Variants in CRYBG3 observed in about 807,000 individuals in gnomAD.
The protein encoded by CRYBG3 is very large A-kinase anchor protein.
Under a neutral mutation model 244.2 loss-of-function variants are expected in CRYBG3, and 127 were observed. That is an observed-to-expected ratio of 0.52 (90% confidence interval 0.45 to 0.60). CRYBG3 has a LOEUF of 0.60. CRYBG3 is among the 20% of genes least tolerant of loss of function. The pLI is 0.00. For missense variants in CRYBG3, 3,325 were observed against 3,442.5 expected, an observed-to-expected ratio of 0.97 and a Z score of 0.85; for synonymous variants, 1,132 against 1,195.8, an observed-to-expected ratio of 0.95 and a Z score of 1.10.
At chr3:97,902,199 G>T (rs2039714015) in intron 15 of CRYBG3, among the ~76,000 whole-genome samples, 1 of 152,248 alleles carries the variant, frequency 6.6e-6, no homozygotes, top group South Asian at 2.1e-4. Context: ...TAAGGAGGAA[G>T]TTTCATTTCA....
Position 97,912,209 on chromosome 3 carries a change from G to A in CRYBG3, c.8047G>A (p.Asp2683Asn). The A allele has an allele frequency of 1.9e-6, 3 of 1,607,544 alleles. No individual in the cohort carries two copies. The highest frequency in any genetic ancestry group is 2.5e-6 in the Non-Finnish European group (3 of 1,176,992). The change falls in exon 16 of 22, where the codon GAT becomes AAT. Residue 2683 changes from aspartate (D) to asparagine (N), a missense_variant. By Grantham distance (23) the Asp-to-Asn change is conservative. Transcript: ENST00000389622. ...SKPGFQGECI[D>N]FTEETSDLTS... Reference sequence around the variant, plus strand: ...ACCAGGGTTCCAAGGTGAATGTATAGATTTTACAGAAGAAACTTCTGATTT... The same window carrying A: ...ACCAGGGTTCCAAGGTGAATGTATAAATTTTACAGAAGAAACTTCTGATTT...
intron 2 of CRYBG3, among the ~76,000 whole-genome samples, chr3:97,859,201 T>G (rs1272930286): frequency 6.6e-6 from 1 of 152,120 alleles, no homozygotes. Flanking sequence ...TTCTGAGTGG[T>G]GTGTGTATGC....
At chr3:97,878,550 T>C (rs2039410377) in intron 4 of CRYBG3, among the ~76,000 whole-genome samples, 1 of 152,248 alleles carries the variant, frequency 6.6e-6, no homozygotes, top group Admixed American at 6.5e-5. Context: ...AAAAATTGCT[T>C]GGTCAGAATT....
intron 2 of CRYBG3, among the ~76,000 whole-genome samples, chr3:97,848,995 T>A (rs573502877): frequency 6.6e-6 from 1 of 152,316 alleles, no homozygotes; most frequent in South Asian, 2.1e-4. Context: ...AAATTACATG[T>A]GTAATGATGG....
At chr3:97,902,161 A>G (rs2039713458) in intron 15 of CRYBG3, among the ~76,000 whole-genome samples, 2 of 152,186 alleles carry the variant, frequency 1.3e-5, no homozygotes, top group South Asian at 4.1e-4. Context: ...TGCTGTGTTC[A>G]GATGGGGTAC....
At chr3:97,828,418 T>C (rs2038606422) in intron 1 of CRYBG3, among the ~76,000 whole-genome samples, 1 of 151,796 alleles carries the variant, frequency 6.6e-6, no homozygotes, top group African/African-American at 2.4e-5. Flanking sequence ...AATTGTGGAC[T>C]AACTGATAAA....
chr3:97,868,629 A>C (rs2039265128), intron 3 of CRYBG3, among the ~76,000 whole-genome samples: 1 of 152,220 alleles, frequency 6.6e-6, no homozygotes, highest in South Asian at 2.1e-4. Flanking sequence ...CAACTTCTTG[A>C]AAGTACTCAG....
intron 3 of CRYBG3, among the ~76,000 whole-genome samples, chr3:97,867,454 C>T (rs556412024): frequency 6.6e-6 from 1 of 152,250 alleles, no homozygotes; most frequent in Non-Finnish European, 1.5e-5. Context: ...AAGAATGATA[C>T]ATGTCTTTGG....
Position 97,822,164 on chromosome 3 carries a change from C to T in CRYBG3, c.-43C>T. On this transcript the variant is annotated 5_prime_UTR_variant, in exon 1 of 22. Coordinates refer to ENST00000389622, the MANE Select transcript of CRYBG3 (RefSeq NM_153605.4). ...CTCCGGGCACCAGGCAACACCTAGGCCGTTCCCTTCAGACAGCCCCGGGCC... is the reference window on the plus strand; with the variant it reads ...CTCCGGGCACCAGGCAACACCTAGGTCGTTCCCTTCAGACAGCCCCGGGCC... The T allele has an allele frequency of 1.4e-6, 2 of 1,466,702 alleles. No individual in the cohort carries two copies. Among genetic ancestry groups the T allele is most frequent in the Non-Finnish European group, 1.8e-6 (2 of 1,112,056 alleles). 90.9% of individuals were successfully genotyped at this position (1,466,702 alleles called of 1,614,324 possible). A position where few individuals can be genotyped will look rare whatever the true frequency, so the allele number is the denominator to read the frequency against.
At chr3:97,903,032 G>C (rs2039723050) in intron 15 of CRYBG3, among the ~76,000 whole-genome samples, 1 of 152,110 alleles carries the variant, frequency 6.6e-6, no homozygotes. Flanking sequence ...CTTTGACTCA[G>C]CCAAGTACCT....
chr3:97,822,132 G>T lies in CRYBG3; in HGVS notation c.-75G>T. 7.5e-7 allele frequency: 1 copy of T among 1,328,540 alleles called. No homozygotes were observed. The highest frequency in any genetic ancestry group is 1.7e-5 in the South Asian group (1 of 57,710). The allele number at this position is 1,328,540 out of a possible 1,614,324, so 82.3% of individuals were successfully genotyped here. A position where few individuals can be genotyped will look rare whatever the true frequency, so the allele number is the denominator to read the frequency against. On this transcript the variant is annotated 5_prime_UTR_variant, in exon 1 of 22. Transcript: ENST00000389622. ...GCCCTAGCCGCATCCCGCGGCGCCCGGTCGGGCTCCGGGCACCAGGCAACA... is the reference window on the plus strand; with the variant it reads ...GCCCTAGCCGCATCCCGCGGCGCCCTGTCGGGCTCCGGGCACCAGGCAACA...
rs2040249195 is a variant in CRYBG3, at chr3:97,942,309, TTGGTGG to T, written c.8691_8696del (p.Gly2898_Gly2899del). 2 of 1,610,714 alleles carry T rather than the reference TTGGTGG, an allele frequency of 1.2e-6. No individual in the cohort carries two copies. On this transcript the variant is annotated inframe_deletion, in exon 21 of 22. Transcript: ENST00000389622. ...GCCAGTGATACATGTCTTGATGTGA[TTGGTGG>T]CCGGGACACACCTGGAGCTAAAGTA... is the stretch of plus-strand genomic sequence containing the variant.
chr3:97,927,606 A>G (rs1003206957), intron 17 of CRYBG3, among the ~76,000 whole-genome samples: 1 of 152,124 alleles, frequency 6.6e-6, no homozygotes, highest in Non-Finnish European at 1.5e-5. Context: ...AGCAAAAGAA[A>G]CTATCAACAG....
At chr3:97,849,214 A>C (rs1168916829) in intron 2 of CRYBG3, among the ~76,000 whole-genome samples, 1 of 152,212 alleles carries the variant, frequency 6.6e-6, no homozygotes, top group East Asian at 1.9e-4. Flanking sequence ...CAGAGTAGGC[A>C]CTTGGTAAAA....
chr3:97,871,541 A>G (rs756510815), intron 3 of CRYBG3, among the ~76,000 whole-genome samples: 3 of 152,122 alleles, frequency 2.0e-5, no homozygotes, highest in Admixed American at 6.6e-5. Context: ...TAGAACTAGG[A>G]CCCAAGGCTT....
intron 12 of CRYBG3, among the ~76,000 whole-genome samples, chr3:97,897,209 C>T (rs770641554): frequency 1.1e-4 from 16 of 151,818 alleles, no homozygotes; most frequent in Non-Finnish European, 1.9e-4. Flanking sequence ...ATTGTTTATC[C>T]TAAATTAATG....
intron 8 of CRYBG3, among the ~76,000 whole-genome samples, chr3:97,887,399 A>G (rs2039521342): frequency 6.6e-6 from 1 of 152,158 alleles, no homozygotes; most frequent in Admixed American, 6.6e-5. Flanking sequence ...TGGTTGGTAT[A>G]CAATTCTGGG....
At chr3:97,905,433 A>T (rs2039760752) in intron 15 of CRYBG3, among the ~76,000 whole-genome samples, 1 of 151,428 alleles carries the variant, frequency 6.6e-6, no homozygotes, top group African/African-American at 2.4e-5. Flanking sequence ...AATGATTGCC[A>T]TTCTAACTGG....
chr3:97,913,355 A>C (rs1357311930), intron 16 of CRYBG3, among the ~76,000 whole-genome samples: 2 of 152,166 alleles, frequency 1.3e-5, no homozygotes, highest in Non-Finnish European at 2.9e-5. Context: ...AGGGGTCAGC[A>C]AACTTTAACT....
Sources: allele counts gnomAD v4.1 joint callset (sites outside exome capture counted in the v4.1 genomes callset), GRCh38; gene constraint gnomAD v4.1.1; transcripts MANE v1.5; gene names NCBI Gene and HGNC (gene_info 2026-07-23, HGNC 2026-07-21).